Variants in SOX5 observed in about 807,000 individuals in gnomAD.
The protein encoded by SOX5 is SRY-box transcription factor 5.
Under a neutral mutation model 92.0 loss-of-function variants are expected in SOX5, and 9 were observed. That is an observed-to-expected ratio of 0.10 (90% CI 0.06 to 0.17). SOX5 has a LOEUF of 0.17. Ranked by LOEUF, SOX5 falls within the 10% of genes least tolerant of loss-of-function variation. The pLI, the probability that SOX5 is intolerant of heterozygous loss-of-function variation, is 1.00. For synonymous variants in SOX5, 344 were observed against 336.3 expected (o/e 1.02, Z -0.25); for missense variants, 642 against 944.5 (o/e 0.68, Z 4.20).
chr12:24,543,992 C>T (rs1952381570), intron 1 of SOX5, among the ~76,000 whole-genome samples: 1 of 152,288 alleles, frequency 6.6e-6, no homozygotes, highest in Non-Finnish European at 1.5e-5. Flanking sequence ...CATCTATATA[C>T]TGGTTCCAAA....
At chr12:23,990,856 T>C (rs1408027914) in intron 4 of SOX5, among the ~76,000 whole-genome samples, 1 of 152,104 alleles carries the variant, frequency 6.6e-6, no homozygotes, top group African/African-American at 2.4e-5. Flanking sequence ...AATAGAAAGC[T>C]TCACTAAGAA....
At chr12:23,929,885 T>G (rs1941008836) in intron 1 of SOX5, among the ~76,000 whole-genome samples, 1 of 151,906 alleles carries the variant, frequency 6.6e-6, no homozygotes, top group Admixed American at 6.6e-5. Context: ...ATGAAGAGGA[T>G]AATAACAACA....
chr12:23,798,108 C>T (rs2095597728), intron 3 of SOX5, among the ~76,000 whole-genome samples: 1 of 151,792 alleles, frequency 6.6e-6, no homozygotes, highest in Non-Finnish European at 1.5e-5. Flanking sequence ...CTTTATTTTT[C>T]CTATATTGCT....
chr12:23,800,577 A>G (rs1456045180), intron 3 of SOX5, among the ~76,000 whole-genome samples: 4 of 152,152 alleles, frequency 2.6e-5, no homozygotes, highest in South Asian at 4.1e-4. Flanking sequence ...CAACTTTGGT[A>G]TAGAAATGGG....
At chr12:24,085,212 G>A (rs890041697) in intron 4 of SOX5, among the ~76,000 whole-genome samples, 1 of 152,136 alleles carries the variant, frequency 6.6e-6, no homozygotes, top group Admixed American at 6.6e-5. Flanking sequence ...GGCAACAGAT[G>A]CCTTTCAGCC....
chr12:24,282,038 T>A (rs374960427), intron 2 of SOX5, among the ~76,000 whole-genome samples: 1 of 152,160 alleles, frequency 6.6e-6, no homozygotes, highest in East Asian at 1.9e-4. Context: ...TTTCAGAGAT[T>A]CAAAGAATTT....
At chr12:23,789,298 T>C (rs1487688444) in intron 3 of SOX5, among the ~76,000 whole-genome samples, 2 of 151,980 alleles carry the variant, frequency 1.3e-5, no homozygotes, top group Non-Finnish European at 2.9e-5. Flanking sequence ...GCTTAACATA[T>C]ATTTTAATTC....
At chr12:24,006,288 T>G (rs1489487693) in intron 4 of SOX5, among the ~76,000 whole-genome samples, 1 of 152,154 alleles carries the variant, frequency 6.6e-6, no homozygotes, top group Non-Finnish European at 1.5e-5. Flanking sequence ...CATTAATGGT[T>G]AAATGATTAA....
chr12:23,838,166 T>C (rs1264496809), intron 3 of SOX5, among the ~76,000 whole-genome samples: 1 of 143,456 alleles, frequency 7.0e-6, no homozygotes, highest in Non-Finnish European at 1.5e-5. Flanking sequence ...ATATAATATA[T>C]ATTTATATTA....
intron 3 of SOX5, among the ~76,000 whole-genome samples, chr12:23,770,441 CTG>C (rs1474614835): frequency 6.6e-6 from 1 of 152,044 alleles, no homozygotes; most frequent in Non-Finnish European, 1.5e-5. Context: ...AATTCAAACA[CTG>C]TGTGTGTGAT....
At chr12:23,714,907 T>C (rs1049522667) in intron 6 of SOX5, among the ~76,000 whole-genome samples, 1 of 152,202 alleles carries the variant, frequency 6.6e-6, no homozygotes. Flanking sequence ...GGTACACCTA[T>C]GCATATAGTA....
intron 3 of SOX5, among the ~76,000 whole-genome samples, chr12:23,783,566 C>G (rs1245613681): frequency 5.3e-5 from 8 of 152,094 alleles, no homozygotes; most frequent in Non-Finnish European, 8.8e-5. Flanking sequence ...ATATGAAAAA[C>G]TCTTGTCTAG....
chr12:23,745,202 G>T (rs2093940121), intron 4 of SOX5, among the ~76,000 whole-genome samples: 1 of 152,022 alleles, frequency 6.6e-6, no homozygotes, highest in Admixed American at 6.6e-5. Context: ...CATAAATACT[G>T]TTGTACTGAC....
intron 1 of SOX5, among the ~76,000 whole-genome samples, chr12:24,460,080 G>A (rs1943456895): frequency 6.6e-6 from 1 of 152,190 alleles, no homozygotes; most frequent in Non-Finnish European, 1.5e-5. Context: ...AAGCCTATCT[G>A]TATTGATATC....
chr12:23,547,754 T>C (rs924777672), intron 11 of SOX5, among the ~76,000 whole-genome samples: 1 of 152,168 alleles, frequency 6.6e-6, no homozygotes, highest in South Asian at 2.1e-4. Context: ...GGAGACAAAA[T>C]AGTTTATATT....
At chr12:23,880,002 A>C (rs576679230) in intron 2 of SOX5, among the ~76,000 whole-genome samples, 6 of 152,300 alleles carry the variant, frequency 3.9e-5, no homozygotes, top group Admixed American at 3.3e-4. Flanking sequence ...AACCAGGATC[A>C]TAGCTGTGAC....
intron 1 of SOX5, among the ~76,000 whole-genome samples, chr12:24,491,167 T>C (rs1424049018): frequency 6.6e-6 from 1 of 152,126 alleles, no homozygotes; most frequent in Non-Finnish European, 1.5e-5. Context: ...GCCTAGTTAA[T>C]GGGAAAATTA....
intron 9 of SOX5, among the ~76,000 whole-genome samples, chr12:23,580,393 C>T (rs1949877321): frequency 6.6e-6 from 1 of 151,916 alleles, no homozygotes; most frequent in South Asian, 2.1e-4. Context: ...TGATGTAATA[C>T]AAACATTTGC....
At chr12:24,259,744 A>G (rs2140237383) in intron 3 of SOX5, among the ~76,000 whole-genome samples, 1 of 152,334 alleles carries the variant, frequency 6.6e-6, no homozygotes, top group African/African-American at 2.4e-5. Flanking sequence ...AAAACATTCA[A>G]GTTGGGTGAT....
Sources: allele counts gnomAD v4.1 joint callset (sites outside exome capture counted in the v4.1 genomes callset), GRCh38; gene constraint gnomAD v4.1.1; transcripts MANE v1.5; gene names NCBI Gene and HGNC (gene_info 2026-07-23, HGNC 2026-07-21).